Variants in NIBAN2 observed in about 807,000 individuals in gnomAD.
NIBAN2 encodes protein Niban 2.
In NIBAN2, 36 loss-of-function variants were observed where a neutral mutation model predicts 81.8. The ratio of observed to expected loss-of-function variants is 0.44; its 90% CI spans 0.34 to 0.58. The LOEUF is 0.58. Among genes scored for constraint, NIBAN2 ranks in the 20% least tolerant of loss-of-function variants. The pLI is 0.02. For synonymous variants in NIBAN2, 445 were observed against 441.6 expected, an observed-to-expected ratio of 1.01 and a Z score of -0.10; for missense variants, 897 against 1,014.1, an observed-to-expected ratio of 0.88 and a Z score of 1.57.
chr9:127,522,219 C>A (rs903897413), intron 5 of NIBAN2, among the ~76,000 whole-genome samples: 4 of 152,326 alleles, frequency 2.6e-5, no homozygotes, highest in African/African-American at 9.6e-5. Flanking sequence ...GATTGAAGAC[C>A]TGGTTCCTCC....
rs772235659 is a variant in NIBAN2, at chr9:127,516,808, T to C, written c.973+49A>G. 6 of 1,544,412 alleles carry C rather than the reference T, an allele frequency of 3.9e-6. No individual in the cohort carries two copies. The African/African-American group carries it at 6.9e-5, about 18-fold the overall frequency. On this transcript the variant is annotated intron_variant, in intron 8 of 13. Coordinates refer to ENST00000373312, the MANE Select transcript of NIBAN2 (RefSeq NM_022833.4). ...CATGAATCATGAAATAAAAAGAAAG[T>C]CCACCTTGGCCCCTGGAGGGCCCGT...
intron 1 of NIBAN2, among the ~76,000 whole-genome samples, chr9:127,567,342 C>T (rs917292028): frequency 2.6e-5 from 4 of 152,206 alleles, no homozygotes; most frequent in Non-Finnish European, 5.9e-5. Context: ...TCCGCCCTGG[C>T]CCTTCCTCCT....
At chr9:127,577,710 T>TTTGTTTGTTTGTTTGTTTGTTTG (rs1838025875) in intron 1 of NIBAN2, among the ~76,000 whole-genome samples, 1 of 151,856 alleles carries the variant, frequency 6.6e-6, no homozygotes, top group African/African-American at 2.4e-5. Flanking sequence ...TGCTATATCT[T>TTTGTTTGTTTGTTTGTTTGTTTG]TTTGTTTGTT....
At chr9:127,549,656 C>G (rs1837540917) in intron 1 of NIBAN2, among the ~76,000 whole-genome samples, 1 of 152,144 alleles carries the variant, frequency 6.6e-6, no homozygotes, top group East Asian at 1.9e-4. Flanking sequence ...AAGAAGAGAA[C>G]AAGAAAGATG....
Position 127,508,988 on chromosome 9 carries a change from G to C in NIBAN2, c.1305C>G (p.Ile435Met), listed in dbSNP as rs773069484. The change falls in exon 10 of 14, where the codon ATC becomes ATG. Residue 435 changes from isoleucine to methionine, a missense_variant. By Grantham distance (10) the Ile-to-Met change is conservative. Transcript: ENST00000373312. This position sits in a 1 kb window ranked among gnomAD's most constrained non-coding sequence, Gnocchi z 6.4. ...STSVFKQRAQIHMREQMDNAV... is the reference protein window; with the variant it reads ...STSVFKQRAQMHMREQMDNAV... Reference sequence around the variant, plus strand: ...GCCTCGGGTCTACCTCCCGCATGTGGATCTGGGCTCGCTGCTTGAACACGG... The same window carrying C: ...GCCTCGGGTCTACCTCCCGCATGTGCATCTGGGCTCGCTGCTTGAACACGG... 10 of 1,613,788 alleles carry C rather than the reference G, an allele frequency of 6.2e-6. No individual in the cohort carries two copies. Among genetic ancestry groups the C allele is most frequent in the Non-Finnish European group, 8.5e-6 (10 of 1,179,978 alleles).
At chr9:127,578,842 G>T in intron 1 of NIBAN2, 1 of 1,409,278 alleles carries the variant, frequency 7.1e-7, no homozygotes, top group Non-Finnish European at 9.9e-7. Flanking sequence ...GAGTGACAGA[G>T]CAAAACCTCC....
intron 1 of NIBAN2, among the ~76,000 whole-genome samples, chr9:127,544,149 CG>C (rs372022470): frequency 6.6e-6 from 1 of 152,196 alleles, no homozygotes; most frequent in African/African-American, 2.4e-5. Flanking sequence ...ATTCCTTGCT[CG>C]ACTGGCAGCT....
chr9:127,506,585 AGCCCTT>A lies in NIBAN2; in HGVS notation c.*254_*259del. 1 of 394,620 alleles carries A rather than the reference AGCCCTT, an allele frequency of 2.5e-6. No homozygotes were observed. Among genetic ancestry groups the A allele is most frequent in the South Asian group, 8.4e-5 (1 of 11,976 alleles). The allele number at this position is 394,620 out of a possible 1,614,324, so 24.4% of individuals were successfully genotyped here. A position where few individuals can be genotyped will look rare whatever the true frequency, so the allele number is the denominator to read the frequency against. On this transcript the variant is annotated 3_prime_UTR_variant, in exon 14 of 14. Coordinates refer to ENST00000373312, the MANE Select transcript of NIBAN2 (RefSeq NM_022833.4). ...GCTTTCCAGCCCCCCAGCAGTGTCC[AGCCCTT>A]GGCACAAGCAGGAAAACCCCAAAAC...
chr9:127,538,447 G>A (rs1243185794), intron 1 of NIBAN2, among the ~76,000 whole-genome samples: 2 of 152,156 alleles, frequency 1.3e-5, no homozygotes, highest in Admixed American at 1.3e-4. Context: ...CACTCAGTGA[G>A]TGTCACATGG....
chr9:127,515,837 AAAT>A (rs917692263), intron 8 of NIBAN2, among the ~76,000 whole-genome samples: 2 of 151,864 alleles, frequency 1.3e-5, no homozygotes. Flanking sequence ...CTCCATCTCA[AAAT>A]AATAATAATA....
rs1452169085 is a variant in NIBAN2, at chr9:127,517,670, CGTGCACTG to C, written c.705+148_705+155del. 6.6e-6 allele frequency among the ~76,000 whole-genome samples: 1 copy of C among 152,158 alleles called. No homozygotes were observed. Among genetic ancestry groups the C allele is most frequent in the Non-Finnish European group, 1.5e-5 (1 of 68,034 alleles). ...ATGAATAAGACAGCGAGTATCTCCACGTGCACTGGCCCTGCACTTGTCCAAATCTAAGC... is the reference window on the plus strand; with the variant it reads ...ATGAATAAGACAGCGAGTATCTCCACGCCCTGCACTTGTCCAAATCTAAGC... On this transcript the variant is annotated intron_variant, in intron 6 of 13. Transcript: ENST00000373312. The surrounding 1 kb of genome is among the most constrained non-coding windows in gnomAD (Gnocchi z 4.0).
chr9:127,517,970 G>T lies in NIBAN2; in HGVS notation c.590-29C>A. The T allele has an allele frequency of 1.4e-6, 2 of 1,477,656 alleles. No individual in the cohort carries two copies. The highest frequency in any genetic ancestry group is 1.9e-5 in the Admixed American group (1 of 51,620). 91.5% of individuals were successfully genotyped at this position (1,477,656 alleles called of 1,614,324 possible). A position where few individuals can be genotyped will look rare whatever the true frequency, so the allele number is the denominator to read the frequency against. The stretch of plus-strand genomic sequence containing the variant: ...CCCAGGAGACGGAGGGAGAGAGGAG[G>T]TCAGCAGATGGCCCAGTGGCCTCTA... On this transcript the variant is annotated intron_variant, in intron 5 of 13. Transcript: ENST00000373312. The surrounding 1 kb of genome is among the most constrained non-coding windows in gnomAD (Gnocchi z 4.0).
At chr9:127,544,225 G>T (rs1837431535) in intron 1 of NIBAN2, among the ~76,000 whole-genome samples, 1 of 152,198 alleles carries the variant, frequency 6.6e-6, no homozygotes, top group African/African-American at 2.4e-5. Context: ...CGCTGGCCTT[G>T]GGAGAGGAGG....
Position 127,507,749 on chromosome 9 carries a change from C to A in NIBAN2, c.1654+118G>T. 1.1e-6 allele frequency: 1 copy of A among 915,720 alleles called. No individual in the cohort carries two copies. The highest frequency in any genetic ancestry group is 1.6e-5 in the African/African-American group (1 of 61,346). The allele number at this position is 915,720 out of a possible 1,614,324, so 56.7% of individuals were successfully genotyped here. ...GCGAAGAGTGGGCTTCACCCAGACCCCAGGTGCAAGTCTGGGCTTTTCTTT... is the reference window on the plus strand; with the variant it reads ...GCGAAGAGTGGGCTTCACCCAGACCACAGGTGCAAGTCTGGGCTTTTCTTT... On this transcript the variant is annotated intron_variant, in intron 13 of 13. Transcript: ENST00000373312. This position sits in a 1 kb window ranked among gnomAD's most constrained non-coding sequence, Gnocchi z 6.8.
chr9:127,565,289 CA>C (rs1837839220), intron 1 of NIBAN2, among the ~76,000 whole-genome samples: 1 of 151,836 alleles, frequency 6.6e-6, no homozygotes, highest in South Asian at 2.1e-4. Flanking sequence ...TGCAATTAGA[CA>C]AAATGTTCAG....
chr9:127,544,187 A>C (rs555024811), intron 1 of NIBAN2, among the ~76,000 whole-genome samples: 5 of 152,300 alleles, frequency 3.3e-5, no homozygotes, highest in African/African-American at 1.2e-4. Context: ...TATCTTGTTC[A>C]CTTCCGTATC....
chr9:127,573,068 A>G (rs1837966416), upstream of NIBAN2, among the ~76,000 whole-genome samples: 1 of 152,152 alleles, frequency 6.6e-6, no homozygotes, highest in South Asian at 2.1e-4. Context: ...GTATGTACGT[A>G]TGTATATATA....
In NIBAN2 at chr9:127,510,179, G is replaced by C; in HGVS notation, c.1128C>G (p.Val376=). 1.2e-6 allele frequency: 2 copies of C among 1,613,518 alleles called. No homozygotes were observed. Among genetic ancestry groups the C allele is most frequent in the Non-Finnish European group, 1.7e-6 (2 of 1,179,596 alleles). ...GCTTGTCAATGCCGCCCTCGTTGATGACGTTCAGGTTCATGTCCGTGACCT... is the reference window on the plus strand; with the variant it reads ...GCTTGTCAATGCCGCCCTCGTTGATCACGTTCAGGTTCATGTCCGTGACCT... ...FKEVTDMNLN[V]INEGGIDKLG... The change falls in exon 9 of 14, where the codon GTC becomes GTG. Residue 376 remains valine, a synonymous_variant. Coordinates refer to ENST00000373312, the MANE Select transcript of NIBAN2 (RefSeq NM_022833.4).
intron 1 of NIBAN2, among the ~76,000 whole-genome samples, chr9:127,546,465 A>G (rs926995338): frequency 6.6e-6 from 1 of 152,066 alleles, no homozygotes; most frequent in Admixed American, 6.5e-5. Flanking sequence ...ACCCACCACC[A>G]ATGTTCCCCT....
Sources: gnomAD v4.1 joint callset for allele counts (sites outside exome capture counted in the v4.1 genomes callset) on GRCh38, gnomAD v4.1.1 for gene constraint, Gnocchi (gnomAD v3.1) non-coding constraint, MANE v1.5 for transcripts, NCBI Gene and HGNC (gene_info 2026-07-23, HGNC 2026-07-21) for gene names.